The following PAICS variants were observed in gnomAD, a reference collection of about 807,000 sequenced individuals.
PAICS encodes the protein phosphoribosylaminoimidazole carboxylase and phosphoribosylaminoimidazolesuccinocarboxamide synthase, also known as bifunctional phosphoribosylaminoimidazole carboxylase/phosphoribosylaminoimidazole succinocarboxamide synthetase.
PAICS carries 33 observed loss-of-function variants against 53.7 expected under a neutral mutation model. The observed-to-expected ratio is 0.61, with a 90% CI of 0.47 to 0.82. The LOEUF is 0.82. Ranked by LOEUF, PAICS falls within the 40% of genes least tolerant of loss-of-function variation. The pLI is 0.00. For synonymous variants in PAICS, 141 were observed against 167.2 expected (o/e 0.84, Z 1.21); for missense variants, 394 against 494.1 (o/e 0.80, Z 1.92).
Position 56,461,009 on chromosome 4 carries a change from G to A in PAICS, c.*1471G>A, listed in dbSNP as rs997210050. 7 of 152,100 alleles carry A rather than the reference G, an allele frequency of 4.6e-5. No individual in the cohort carries two copies. Among genetic ancestry groups the A allele is most frequent in the Admixed American group, 2.0e-4 (3 of 15,270 alleles). 9.4% of individuals were successfully genotyped at this position (152,100 alleles called of 1,614,324 possible). ...AAAAATTGCTGATGTGACCCATGAA[G>A]GGAACTCATTTTCCTCGTAATTTTG... On this transcript the variant is annotated 3_prime_UTR_variant, in exon 9 of 9. Coordinates refer to ENST00000512576, the MANE Select transcript of PAICS (RefSeq NM_001079524.2).
rs1029620831 is a variant in PAICS, at chr4:56,451,758, T to C, written c.772-114T>C. ...TTTGTTGTTTGTCTCTGTCTTAAAT[T>C]TGATCTGTTAAGAAAGAAAATATTG... On this transcript the variant is annotated intron_variant, in intron 6 of 8. Coordinates refer to ENST00000512576, the MANE Select transcript of PAICS (RefSeq NM_001079524.2). 11 of 561,018 alleles carry C rather than the reference T, an allele frequency of 2.0e-5. No individual in the cohort carries two copies. In the African/African-American group the frequency reaches 2.1e-4, roughly 11 times the overall value. The allele number at this position is 561,018 out of a possible 1,614,324, so 34.8% of individuals were successfully genotyped here.
intron 1 of PAICS, among the ~76,000 whole-genome samples, chr4:56,439,899 A>G (rs956980180): frequency 2.0e-5 from 3 of 152,172 alleles, no homozygotes; most frequent in Non-Finnish European, 2.9e-5. Context: ...TGCTGAGATT[A>G]CAGATGTGAG....
intron 7 of PAICS, among the ~76,000 whole-genome samples, chr4:56,452,454 C>A (rs1718968710): frequency 6.6e-6 from 1 of 152,222 alleles, no homozygotes; most frequent in Admixed American, 6.5e-5. Context: ...GGATTACAGG[C>A]ATGAGCCACC....
At chr4:56,431,485 C>T (rs915003693), upstream of PAICS, 7 of 974,258 alleles carry the variant, frequency 7.2e-6, no homozygotes, top group African/African-American at 7.0e-5. Flanking sequence ...TTCCTCAAAG[C>T]GTAATAACAG....
intron 1 of PAICS, among the ~76,000 whole-genome samples, chr4:56,437,000 A>G (rs1221501434): frequency 6.6e-6 from 1 of 152,210 alleles, no homozygotes; most frequent in African/African-American, 2.4e-5. Flanking sequence ...CCGTCTCAAA[A>G]AAGAAAAAGA....
the PAICS span, among the ~76,000 whole-genome samples, chr4:56,427,910 T>C: frequency 6.6e-6 from 1 of 152,170 alleles, no homozygotes; most frequent in Non-Finnish European, 1.5e-5. Context: ...ATACCTGAGT[T>C]GGTAGAGAAT....
At chr4:56,446,377 C>T (rs1397449789) in intron 2 of PAICS, 6 of 717,840 alleles carry the variant, frequency 8.4e-6, no homozygotes, top group African/African-American at 5.2e-5. Context: ...TAAGTCAAAT[C>T]GTAAGTATTT....
chr4:56,417,724 C>A, the PAICS span, among the ~76,000 whole-genome samples: 1 of 152,150 alleles, frequency 6.6e-6, no homozygotes, highest in South Asian at 2.1e-4. Context: ...GGGTTCAAGG[C>A]TGCAGTGAGC....
chr4:56,445,796 T>A (rs942466046), intron 2 of PAICS, among the ~76,000 whole-genome samples: 1 of 152,172 alleles, frequency 6.6e-6, no homozygotes, highest in Non-Finnish European at 1.5e-5. Context: ...TAATGCAGGC[T>A]GAAAATAAGC....
At chr4:56,430,968 T>C (rs1256526930), upstream of PAICS, among the ~76,000 whole-genome samples, 1 of 152,006 alleles carries the variant, frequency 6.6e-6, no homozygotes, top group East Asian at 1.9e-4. Context: ...TAAATTCTGC[T>C]TCAGACTAAT....
At chr4:56,443,377 G>A (rs570721542) in intron 2 of PAICS, among the ~76,000 whole-genome samples, 72 of 152,112 alleles carry the variant, frequency 4.7e-4, no homozygotes, top group African/African-American at 1.7e-3. Flanking sequence ...TAGTAGAGAC[G>A]AGGTTTTGCC....
chr4:56,440,971 T>C (rs1472953535), intron 1 of PAICS, among the ~76,000 whole-genome samples: 1 of 152,200 alleles, frequency 6.6e-6, no homozygotes, highest in Non-Finnish European at 1.5e-5. Flanking sequence ...AGCATCAAAA[T>C]TGGATTCCTT....
At chr4:56,438,430 G>A (rs1422168698) in intron 1 of PAICS, among the ~76,000 whole-genome samples, 1 of 118,416 alleles carries the variant, frequency 8.4e-6, no homozygotes, top group East Asian at 2.2e-4. Flanking sequence ...GTTGTTTTTT[G>A]TTTGTTTTGC....
chr4:56,421,854 T>C, the PAICS span: 1 of 152,164 alleles, frequency 6.6e-6, no homozygotes, highest in Non-Finnish European at 1.5e-5. Flanking sequence ...AAGACTTAGT[T>C]AGAGACTCAG....
chr4:56,417,148 C>A, the PAICS span, among the ~76,000 whole-genome samples: 1 of 152,100 alleles, frequency 6.6e-6, no homozygotes, highest in Non-Finnish European at 1.5e-5. Context: ...TGCACCCGGC[C>A]GCTTCTAATT....
At chr4:56,439,221 C>G in intron 1 of PAICS, among the ~76,000 whole-genome samples, 1 of 152,238 alleles carries the variant, frequency 6.6e-6, no homozygotes, top group East Asian at 1.9e-4. Flanking sequence ...TTTATCTGAT[C>G]TGGGCACTGT....
chr4:56,412,027 T>C, the PAICS span, among the ~76,000 whole-genome samples: 157 of 152,334 alleles, frequency 1.0e-3, no homozygotes, highest in African/African-American at 3.7e-3. Context: ...TTAAACACCT[T>C]CGACTCTTCA....
At chr4:56,420,490 T>C in the PAICS span, 10 of 152,218 alleles carry the variant, frequency 6.6e-5, no homozygotes, top group Admixed American at 5.2e-4. Context: ...TTTCATTACA[T>C]GCTATTTGAC....
At chr4:56,433,665 T>A (rs1717726677), upstream of PAICS, among the ~76,000 whole-genome samples, 1 of 151,532 alleles carries the variant, frequency 6.6e-6, no homozygotes, top group African/African-American at 2.4e-5. Flanking sequence ...AGATTCTCCC[T>A]CACCCCCATG....
Sources: allele counts gnomAD v4.1 joint callset (sites outside exome capture counted in the v4.1 genomes callset), GRCh38; gene constraint gnomAD v4.1.1; transcripts MANE v1.5; gene names NCBI Gene and HGNC (gene_info 2026-07-23, HGNC 2026-07-21).